Variants in RGL1 observed in about 807,000 individuals in gnomAD.
RGL1 encodes ral guanine nucleotide dissociation stimulator-like 1.
Under a neutral mutation model 95.2 loss-of-function variants are expected in RGL1, and 24 were observed. That is an observed-to-expected ratio of 0.25 (90% confidence interval 0.18 to 0.35). The LOEUF (loss-of-function observed/expected upper bound fraction) is 0.35, where lower values mean the gene tolerates loss of function less well. Among genes scored for constraint, RGL1 ranks in the 10% least tolerant of loss-of-function variants. The probability of loss-of-function intolerance (pLI) is 1.00; values close to 1 mark genes in which losing one functional copy is unlikely to be tolerated. For missense variants in RGL1, 715 were observed against 936.3 expected, an observed-to-expected ratio of 0.76 and a Z score of 3.08; for synonymous variants, 329 against 344.9, an observed-to-expected ratio of 0.95 and a Z score of 0.51.
chr1:183,838,014 A>G (rs1663787233), intron 2 of RGL1, among the ~76,000 whole-genome samples: 1 of 152,214 alleles, frequency 6.6e-6, no homozygotes. Context: ...CTAACAGGCC[A>G]TAGACTGCTA....
chr1:183,744,597 A>G (rs561168788), intron 2 of RGL1, among the ~76,000 whole-genome samples: 42 of 152,308 alleles, frequency 2.8e-4, no homozygotes, highest in African/African-American at 9.9e-4. Context: ...CAGTATTTAT[A>G]CTACATGCAT....
At chr1:183,852,299 C>T (rs533277353) in intron 3 of RGL1, among the ~76,000 whole-genome samples, 7 of 152,242 alleles carry the variant, frequency 4.6e-5, no homozygotes, top group African/African-American at 1.4e-4. Flanking sequence ...GGCCAATAGA[C>T]AGTGGTTTGA....
chr1:183,737,285 C>T (rs1656999474), intron 1 of RGL1, among the ~76,000 whole-genome samples: 1 of 152,170 alleles, frequency 6.6e-6, no homozygotes, highest in African/African-American at 2.4e-5. Context: ...AGAAGCTGCT[C>T]ATTTACTTTT....
chr1:183,740,245 C>T (rs933315223), intron 1 of RGL1, among the ~76,000 whole-genome samples: 10 of 152,036 alleles, frequency 6.6e-5, no homozygotes, highest in African/African-American at 2.4e-4. Flanking sequence ...ATTAGTGTGT[C>T]CACTCAGAGG....
chr1:183,823,561 T>A (rs1662640557), intron 2 of RGL1, among the ~76,000 whole-genome samples: 1 of 152,222 alleles, frequency 6.6e-6, no homozygotes, highest in South Asian at 2.1e-4. Flanking sequence ...CTCCCAGCAA[T>A]ACTCGCCAGT....
intron 3 of RGL1, among the ~76,000 whole-genome samples, chr1:183,852,914 T>C (rs2102553880): frequency 6.6e-6 from 1 of 152,332 alleles, no homozygotes; most frequent in East Asian, 1.9e-4. Context: ...ATTAGTGACC[T>C]TCAGTGAGAG....
rs569984620 is a variant in RGL1, at chr1:183,789,215, G to T, written c.133-17160G>T. 3.3e-5 allele frequency among the ~76,000 whole-genome samples: 5 copies of T among 152,138 alleles called. No homozygotes were observed. The South Asian group carries it at 1.0e-3, about 32-fold the overall frequency. ...TCCCAGCACTTTGGGAGGCCGAGGC[G>T]GGTGGATCACCTGAGATCAGGAGTT... On this transcript the variant is annotated intron_variant, in intron 2 of 18. Transcript: ENST00000304685.
At chr1:183,883,310 C>T (rs553062383) in intron 5 of RGL1, among the ~76,000 whole-genome samples, 6 of 152,298 alleles carry the variant, frequency 3.9e-5, no homozygotes, top group South Asian at 2.1e-4. Context: ...TTGAGGGCTT[C>T]GTCAGCATTT....
intron 1 of RGL1, among the ~76,000 whole-genome samples, chr1:183,679,967 T>C (rs1393752043): frequency 6.6e-6 from 1 of 152,238 alleles, no homozygotes; most frequent in Non-Finnish European, 1.5e-5. Context: ...TAATGACCAG[T>C]GATGATGAGC....
In RGL1 at chr1:183,700,673, G is replaced by A. The variant is rs571447271; in HGVS notation, c.-32-41453G>A. ...TGATTCTCCTGCCTCAGCCTCCTGA[G>A]TTGCTGGGATTACAGGTGCACACCA... On this transcript the variant is annotated intron_variant, in intron 1 of 18. Transcript: ENST00000304685. Among the ~76,000 whole-genome samples, 88 of 151,884 alleles carry A rather than the reference G, an allele frequency of 5.8e-4. 1 individual carries two copies. The highest frequency in any genetic ancestry group is 2.1e-3 in the African/African-American group (85 of 41,414).
intron 14 of RGL1, among the ~76,000 whole-genome samples, chr1:183,909,328 G>T (rs570500000): frequency 8.3e-4 from 127 of 152,284 alleles, no homozygotes; most frequent in African/African-American, 2.9e-3. Context: ...CTTAGGCCTA[G>T]TTTGAAAGTT....
intron 16 of RGL1, among the ~76,000 whole-genome samples, chr1:183,920,284 C>T (rs1401331062): frequency 6.6e-6 from 1 of 152,178 alleles, no homozygotes; most frequent in Non-Finnish European, 1.5e-5. Flanking sequence ...ATCCACCTGC[C>T]TCGGCCTCCC....
Position 183,787,650 on chromosome 1 carries a change from C to T in RGL1, c.133-18725C>T, listed in dbSNP as rs541036007. Among the ~76,000 whole-genome samples, 9 of 152,128 alleles carry T rather than the reference C, an allele frequency of 5.9e-5. No homozygotes were observed. The East Asian group carries it at 1.2e-3, about 20-fold the overall frequency. On this transcript the variant is annotated intron_variant, in intron 2 of 18. Coordinates refer to the RGL1 transcript ENST00000304685. ...AAGCTGCTATAGTTTGGATGTTTGT[C>T]CCCTCCAAACTTCATGTTGAAATTT...
chr1:183,845,965 C>T (rs1572494324), intron 2 of RGL1, among the ~76,000 whole-genome samples: 1 of 152,156 alleles, frequency 6.6e-6, no homozygotes, highest in East Asian at 1.9e-4. Context: ...ATAGTTCAAC[C>T]ATTGTGGAAG....
intron 1 of RGL1, among the ~76,000 whole-genome samples, chr1:183,675,962 G>C (rs1487787269): frequency 6.6e-6 from 1 of 152,034 alleles, no homozygotes; most frequent in Non-Finnish European, 1.5e-5. Context: ...CCTCGGCAAC[G>C]TAATGAGCAC....
At chr1:183,709,994 CCAGGCCAGA>C (rs1655163104) in intron 1 of RGL1, 1 of 156,836 alleles carries the variant, frequency 6.4e-6, no homozygotes, top group Admixed American at 6.5e-5. Context: ...GCTCTTAAAG[CCAGGCCAGA>C]CATGCTTGGC....
chr1:183,859,860 T>C (rs776517455), intron 3 of RGL1, among the ~76,000 whole-genome samples: 18 of 152,200 alleles, frequency 1.2e-4, no homozygotes, highest in Non-Finnish European at 2.4e-4. Flanking sequence ...GTAGGCTTGG[T>C]GGCTGTGACC....
At chr1:183,682,116 C>T (rs1653259378) in intron 1 of RGL1, among the ~76,000 whole-genome samples, 1 of 152,196 alleles carries the variant, frequency 6.6e-6, no homozygotes, top group South Asian at 2.1e-4. Context: ...TTCAAAAAAC[C>T]AGCTCCTGGA....
chr1:183,692,377 G>C (rs1487615303), intron 1 of RGL1, among the ~76,000 whole-genome samples: 5 of 152,170 alleles, frequency 3.3e-5, no homozygotes, highest in African/African-American at 1.2e-4. Flanking sequence ...GGGAGCAGTG[G>C]GTCATGACTG....
Sources: gnomAD v4.1 joint callset for allele counts (sites outside exome capture counted in the v4.1 genomes callset) on GRCh38, gnomAD v4.1.1 for gene constraint, MANE v1.5 for transcripts, NCBI Gene and HGNC (gene_info 2026-07-23, HGNC 2026-07-21) for gene names.